SDK1: variants seen among roughly 807,000 people sequenced by gnomAD.
SDK1 encodes the protein protein sidekick-1.
In SDK1, 157 loss-of-function variants were observed where a neutral mutation model predicts 245.5. The observed-to-expected ratio is 0.64, with a 90% CI of 0.56 to 0.73. The LOEUF (loss-of-function observed/expected upper bound fraction) is 0.73, where lower values mean the gene tolerates loss of function less well. Among genes scored for constraint, SDK1 ranks in the 30% least tolerant of loss-of-function variants. The pLI is 0.00. For synonymous variants in SDK1, 1,647 were observed against 1,278.5 expected, an observed-to-expected ratio of 1.29 and a Z score of -6.15; for missense variants, 3,583 against 3,002.3, an observed-to-expected ratio of 1.19 and a Z score of -4.52.
At chr7:3,730,389 T>C (rs1221963899) in intron 4 of SDK1, among the ~76,000 whole-genome samples, 1 of 152,184 alleles carries the variant, frequency 6.6e-6, no homozygotes, top group East Asian at 1.9e-4. Flanking sequence ...AGCCAGTGAA[T>C]AGAACTTTGC....
intron 1 of SDK1, among the ~76,000 whole-genome samples, chr7:3,489,348 G>A (rs1433982781): frequency 1.3e-5 from 2 of 152,178 alleles, no homozygotes; most frequent in Non-Finnish European, 2.9e-5. Flanking sequence ...AAACAATTGA[G>A]CGTATTGTGG....
chr7:3,972,927 G>A (rs761710944), intron 12 of SDK1, among the ~76,000 whole-genome samples: 5 of 152,166 alleles, frequency 3.3e-5, no homozygotes, highest in Non-Finnish European at 7.4e-5. Context: ...CCCCCCTGGG[G>A]GCCACCCTGG....
intron 4 of SDK1, among the ~76,000 whole-genome samples, chr7:3,714,494 T>C (rs889828749): frequency 1.3e-5 from 2 of 152,222 alleles, no homozygotes; most frequent in African/African-American, 4.8e-5. Context: ...AATAAGTTTA[T>C]CCCATTTGCT....
At chr7:3,673,048 T>C (rs1783770640) in intron 4 of SDK1, among the ~76,000 whole-genome samples, 1 of 152,110 alleles carries the variant, frequency 6.6e-6, no homozygotes, top group Non-Finnish European at 1.5e-5. Flanking sequence ...CTCTTGCTGA[T>C]AGTAAATAAA....
chr7:3,328,346 A>T (rs1197120790), intron 1 of SDK1, among the ~76,000 whole-genome samples: 1 of 152,096 alleles, frequency 6.6e-6, no homozygotes, highest in Non-Finnish European at 1.5e-5. Flanking sequence ...GAGCTCTTAC[A>T]ATTTGCTTTT....
At chr7:4,204,277 C>T (rs1464136074) in intron 35 of SDK1, among the ~76,000 whole-genome samples, 1 of 152,146 alleles carries the variant, frequency 6.6e-6, no homozygotes, top group East Asian at 1.9e-4. Flanking sequence ...AAAATTCCTC[C>T]AGTTAGTTTT....
At chr7:3,602,226 A>G (rs1035052990) in intron 1 of SDK1, among the ~76,000 whole-genome samples, 4 of 151,508 alleles carry the variant, frequency 2.6e-5, no homozygotes, top group Non-Finnish European at 4.4e-5. Context: ...TGGTATTTCT[A>G]GTTCTAGATC....
chr7:3,784,975 G>A (rs537942668), intron 4 of SDK1, among the ~76,000 whole-genome samples: 7 of 152,274 alleles, frequency 4.6e-5, no homozygotes, highest in African/African-American at 1.4e-4. Flanking sequence ...GCAGATAACT[G>A]GGTAAAGAAA....
intron 1 of SDK1, among the ~76,000 whole-genome samples, chr7:3,346,827 A>ATATGTTTTTT (rs1228887289): frequency 6.1e-5 from 1 of 16,386 alleles, no homozygotes; most frequent in Non-Finnish European, 1.1e-4. Context: ...ATATATATAT[A>ATATGTTTTTT]TTTTTTTTTT....
chr7:4,245,986 CT>C (rs1786830004), intron 44 of SDK1, among the ~76,000 whole-genome samples, 181 bp downstream of exon 44: 1 of 152,200 alleles, frequency 6.6e-6, no homozygotes, highest in Non-Finnish European at 1.5e-5. Context: ...CCACGGCCTG[CT>C]CTGGGCCCCG....
intron 20 of SDK1, among the ~76,000 whole-genome samples, chr7:4,071,317 G>A (rs980273080): frequency 2.0e-5 from 3 of 152,156 alleles, no homozygotes; most frequent in Non-Finnish European, 2.9e-5. Context: ...GAGCCACCAC[G>A]CCTGGCCTCA....
At chr7:3,632,018 A>G (rs1463687314) in intron 2 of SDK1, among the ~76,000 whole-genome samples, 2 of 152,178 alleles carry the variant, frequency 1.3e-5, no homozygotes, top group Non-Finnish European at 2.9e-5. Context: ...TTAATCCTTG[A>G]TATAATGGTC....
intron 4 of SDK1, among the ~76,000 whole-genome samples, chr7:3,698,070 G>C (rs144368229): frequency 1.2e-4 from 18 of 152,280 alleles, no homozygotes; most frequent in Non-Finnish European, 2.4e-4. Context: ...TAACAGTCCA[G>C]TTGCCAGTGG....
chr7:3,773,711 T>C (rs1780468630), intron 4 of SDK1, among the ~76,000 whole-genome samples: 3 of 152,182 alleles, frequency 2.0e-5, no homozygotes, highest in Admixed American at 2.0e-4. Flanking sequence ...GTTTTTTGTT[T>C]TGCTGGTTGT....
intron 1 of SDK1, among the ~76,000 whole-genome samples, chr7:3,362,368 T>TC (rs1171222541): frequency 6.6e-6 from 1 of 152,196 alleles, no homozygotes; most frequent in Non-Finnish European, 1.5e-5. Context: ...GTTTGAATCT[T>TC]CTCTTTTTGT....
intron 20 of SDK1, among the ~76,000 whole-genome samples, chr7:4,073,792 A>G (rs1196277090): frequency 1.3e-5 from 2 of 152,188 alleles, no homozygotes; most frequent in Non-Finnish European, 2.9e-5. Flanking sequence ...CACCCGTCCA[A>G]ACCCAAAGAA....
At chr7:4,071,558 CA>C (rs1425280587) in intron 20 of SDK1, among the ~76,000 whole-genome samples, 2 of 152,148 alleles carry the variant, frequency 1.3e-5, no homozygotes, top group African/African-American at 2.4e-5. Context: ...TAAGCAAAGG[CA>C]GGGGGAACTG....
intron 4 of SDK1, among the ~76,000 whole-genome samples, chr7:3,796,522 C>T (rs930355406): frequency 9.7e-4 from 144 of 147,926 alleles, no homozygotes; most frequent in African/African-American, 3.7e-3. Context: ...GCCCCTCTCC[C>T]CCCCAGCCTA....
At position 4,063,030 on chromosome 7, in the gene SDK1, C is replaced by G. The variant is rs147141583; in HGVS notation, c.2912-4808C>G. On this transcript the variant is annotated intron_variant, in intron 19 of 44. Transcript: ENST00000404826. Reference sequence around the variant, plus strand: ...AATGGGGAAAAGCTGAAATCCTTTCCTCTGATAACTGGAACAAGACAAAGA... The same window carrying G: ...AATGGGGAAAAGCTGAAATCCTTTCGTCTGATAACTGGAACAAGACAAAGA... Among the ~76,000 whole-genome samples the G allele has an allele frequency of 5.7e-3, 871 of 152,298 alleles. 1 individual carries two copies. Among genetic ancestry groups the G allele is most frequent in the Non-Finnish European group, 8.3e-3 (564 of 68,016 alleles).
Sources: gnomAD v4.1 joint callset for allele counts (sites outside exome capture counted in the v4.1 genomes callset) on GRCh38, gnomAD v4.1.1 for gene constraint, MANE v1.5 for transcripts, NCBI Gene and HGNC (gene_info 2026-07-23, HGNC 2026-07-21) for gene names.